The following HEATR1 variants were observed in gnomAD, a reference collection of about 807,000 sequenced individuals.
HEATR1 encodes the protein HEAT repeat-containing protein 1.
Under a neutral mutation model 248.2 loss-of-function variants are expected in HEATR1, and 77 were observed. That is an observed-to-expected ratio of 0.31 (90% CI 0.26 to 0.37). HEATR1 has a LOEUF of 0.37. Ranked by LOEUF, HEATR1 falls within the 10% of genes least tolerant of loss-of-function variation. The pLI is 1.00. For synonymous variants in HEATR1, 897 were observed against 923.1 expected, an observed-to-expected ratio of 0.97 and a Z score of 0.51; for missense variants, 2,420 against 2,504.9, an observed-to-expected ratio of 0.97 and a Z score of 0.72.
In HEATR1 at chr1:236,556,178, T is replaced by C. The variant is rs764355125; in HGVS notation, c.5436A>G (p.Thr1812=). ...ANIRLTSLKK[T]LATTLAPRVL... ...CTCGGGGTGCAAGTGTGGTAGCCAG[T>C]GTCTTTTTAAGAGATGTGAGACGGA... Residue 1812 remains threonine (T), a synonymous_variant, in exon 38 of 45, where the codon ACA becomes ACG. Transcript: ENST00000366582. 1.9e-6 allele frequency: 3 copies of C among 1,614,104 alleles called. No homozygotes were observed. In the South Asian group the frequency reaches 3.3e-5, roughly 18 times the overall value.
chr1:236,588,270 T>C (rs1276081169), intron 12 of HEATR1, among the ~76,000 whole-genome samples: 1 of 152,216 alleles, frequency 6.6e-6, no homozygotes, highest in African/African-American at 2.4e-5. Flanking sequence ...AGTGAAAATA[T>C]AGTAAATATG....
chr1:236,564,207 G>A (rs1023703638), intron 32 of HEATR1, among the ~76,000 whole-genome samples: 1 of 152,184 alleles, frequency 6.6e-6, no homozygotes, highest in Non-Finnish European at 1.5e-5. Context: ...AGAATGTTAT[G>A]AATATTATAA....
At chr1:236,553,514 A>G in intron 43 of HEATR1, 67 bp downstream of exon 43, 1 of 1,488,772 alleles carries the variant, frequency 6.7e-7, no homozygotes, top group East Asian at 2.3e-5. Flanking sequence ...ATCTGTGACC[A>G]CCTGCAGGCT....
intron 14 of HEATR1, 105 bp downstream of exon 14, chr1:236,587,297 G>A (rs1320471337): frequency 4.4e-6 from 2 of 453,800 alleles, no homozygotes; most frequent in Middle Eastern, 6.0e-4. Context: ...ACGACAAAAG[G>A]GTCATGTAAT....
chr1:236,604,278 C>A (rs1361222125), intron 1 of HEATR1, 144 bp downstream of exon 1: 3 of 547,352 alleles, frequency 5.5e-6, no homozygotes, highest in Non-Finnish European at 9.0e-6. Flanking sequence ...ACGATGGCAG[C>A]AGCGTTAACA....
chr1:236,587,527 T>G, intron 13 of HEATR1, 37 bp from the exon 14 acceptor site: 1 of 1,035,814 alleles, frequency 9.7e-7, no homozygotes, highest in Non-Finnish European at 1.4e-6. Flanking sequence ...GATTTGTACT[T>G]GCTTCAAACA....
intron 20 of HEATR1, 33 bp downstream of exon 20, chr1:236,581,189 C>A: frequency 1.3e-6 from 2 of 1,536,824 alleles, no homozygotes; most frequent in South Asian, 2.3e-5. Flanking sequence ...AACAGTTGGT[C>A]ATGACAAAAC....
At chr1:236,556,563 A>G (rs1457835880) in intron 37 of HEATR1, among the ~76,000 whole-genome samples, 1 of 152,226 alleles carries the variant, frequency 6.6e-6, no homozygotes, top group Non-Finnish European at 1.5e-5. Flanking sequence ...TCAAGTTGCT[A>G]AAAAACTGAG....
chr1:236,563,114 T>C (rs1663175533), intron 32 of HEATR1, among the ~76,000 whole-genome samples: 1 of 152,146 alleles, frequency 6.6e-6, no homozygotes, highest in African/African-American at 2.4e-5. Context: ...TTTTCCTGAA[T>C]AGAAACAATG....
intron 23 of HEATR1, 49 bp downstream of exon 23, chr1:236,574,612 T>A (rs1171330187): frequency 6.4e-7 from 1 of 1,565,590 alleles, no homozygotes; most frequent in Non-Finnish European, 8.6e-7. Flanking sequence ...CCTTCTACCT[T>A]TAAATGCTTG....
rs749757390 is a variant in HEATR1, at chr1:236,594,000, A to G, written c.1193+12T>C. 2.6e-6 allele frequency: 4 copies of G among 1,538,522 alleles called. No homozygotes were observed. The highest frequency in any genetic ancestry group is 3.5e-6 in the Non-Finnish European group (4 of 1,132,968). On this transcript the variant is annotated intron_variant, in intron 9 of 44. Coordinates refer to ENST00000366582, the MANE Select transcript of HEATR1 (RefSeq NM_018072.6). Reference sequence around the variant, plus strand: ...AATGTAAATCAAAAGCATGTCAAAAATAATAGCTTACCTAGCCAACAAATG... The same window carrying G: ...AATGTAAATCAAAAGCATGTCAAAAGTAATAGCTTACCTAGCCAACAAATG...
chr1:236,595,594 G>C lies in HEATR1; in HGVS notation c.1036C>G (p.Leu346Val), dbSNP rs375413643. The part of the protein sequence containing the change: ...GISETYDVSP[L>V]LHYMLPHLVV... ...AGATGGGGAAGCATGTAATGCAGAAGAGGACTGACATCGTAAGTTTCAGAA... is the reference window on the plus strand; with the variant it reads ...AGATGGGGAAGCATGTAATGCAGAACAGGACTGACATCGTAAGTTTCAGAA... The change falls in exon 8 of 45, where the codon CTT becomes GTT. Residue 346 changes from leucine (L) to valine (V), a missense_variant. Coordinates refer to ENST00000366582, the MANE Select transcript of HEATR1 (RefSeq NM_018072.6). 12 of 1,608,684 alleles carry C rather than the reference G, an allele frequency of 7.5e-6. No homozygotes were observed. The Admixed American group carries it at 8.3e-5, about 11-fold the overall frequency.
chr1:236,552,216 A>G lies in HEATR1; in HGVS notation c.6238-109T>C, dbSNP rs1469272383. 1.0e-5 allele frequency: 7 copies of G among 688,848 alleles called. No individual in the cohort carries two copies. The African/African-American group carries it at 1.1e-4, about 11-fold the overall frequency. The allele number at this position is 688,848 out of a possible 1,614,324, so 42.7% of individuals were successfully genotyped here. On this transcript the variant is annotated intron_variant, in intron 43 of 44. Transcript: ENST00000366582. ...TCTAACTTTTTAAACATTAGTTCAC[A>G]TGCGTTTATTCACTTCATTATGTTC...
At chr1:236,578,535 T>A (rs906627014) in intron 20 of HEATR1, among the ~76,000 whole-genome samples, 3 of 152,360 alleles carry the variant, frequency 2.0e-5, no homozygotes. Flanking sequence ...CCTTTTCAAA[T>A]CTTTGGACAC....
At chr1:236,584,790 G>A (rs114645652) in intron 17 of HEATR1, among the ~76,000 whole-genome samples, 2,662 of 152,260 alleles carry the variant, frequency 0.017, 46 homozygotes, top group African/African-American at 0.038. Context: ...GGAGAGTCAG[G>A]CATCAGATAC....
In HEATR1 at chr1:236,590,918, G is replaced by A; in HGVS notation, c.1459C>T (p.Leu487=). 1 of 1,516,066 alleles carries A rather than the reference G, an allele frequency of 6.6e-7. No homozygotes were observed. Among genetic ancestry groups the A allele is most frequent in the Non-Finnish European group, 8.9e-7 (1 of 1,123,398 alleles). The allele number at this position is 1,516,066 out of a possible 1,614,324, so 93.9% of individuals were successfully genotyped here. Residue 487 remains leucine, a synonymous_variant, in exon 12 of 45, where the codon CTG becomes TTG. Coordinates refer to ENST00000366582, the MANE Select transcript of HEATR1 (RefSeq NM_018072.6). The part of the protein sequence containing the change: ...ADSDTSLMLS[L]NHPLAPVRIL... ...CTCACAGGAGCAAGTGGATGATTCA[G>A]GCTGAGCATCAAAGAAGTATCAGAA...
At position 236,571,341 on chromosome 1, in the gene HEATR1, T is replaced by C; in HGVS notation, c.3948+10A>G. 1.3e-6 allele frequency: 2 copies of C among 1,586,758 alleles called. No individual in the cohort carries two copies. Among genetic ancestry groups the C allele is most frequent in the Non-Finnish European group, 1.7e-6 (2 of 1,172,628 alleles). The stretch of plus-strand genomic sequence containing the variant: ...AATATCTGCTAAAATCTTATATCAT[T>C]AACGCTTACCGGAAATATTCCAGCA... On this transcript the variant is annotated intron_variant, in intron 28 of 44. Transcript: ENST00000366582.
chr1:236,586,162 A>G (rs1663879256), intron 15 of HEATR1, 79 bp downstream of exon 15: 1 of 1,324,784 alleles, frequency 7.5e-7, no homozygotes, highest in Non-Finnish European at 1.0e-6. Flanking sequence ...AAGCATGACC[A>G]ACAATAAATT....
At chr1:236,598,540 G>A (rs1362568350) in intron 4 of HEATR1, among the ~76,000 whole-genome samples, 2 of 152,204 alleles carry the variant, frequency 1.3e-5, no homozygotes, top group Non-Finnish European at 2.9e-5. Flanking sequence ...AGGTAGATTA[G>A]AGGAAGAATA....
Sources: allele counts gnomAD v4.1 joint callset (sites outside exome capture counted in the v4.1 genomes callset), GRCh38; gene constraint gnomAD v4.1.1; transcripts MANE v1.5; gene names NCBI Gene and HGNC (gene_info 2026-07-23, HGNC 2026-07-21).